Variants in SLC35A1 observed in about 807,000 individuals in gnomAD.
The protein encoded by SLC35A1 is solute carrier family 35 member A1.
SLC35A1 carries 21 observed loss-of-function variants against 40.3 expected under a neutral mutation model. That is an observed-to-expected ratio of 0.52 (90% CI 0.37 to 0.75). The LOEUF (loss-of-function observed/expected upper bound fraction) is 0.75, where lower values mean the gene tolerates loss of function less well. SLC35A1 is among the 30% of genes least tolerant of loss of function. The probability of loss-of-function intolerance (pLI) is 0.00; values close to 1 mark genes in which losing one functional copy is unlikely to be tolerated. For missense variants in SLC35A1, 297 were observed against 382.1 expected, an observed-to-expected ratio of 0.78 and a Z score of 1.86; for synonymous variants, 146 against 147.3, an observed-to-expected ratio of 0.99 and a Z score of 0.06.
At chr6:87,474,116 G>T (rs1434020250) in intron 1 of SLC35A1, among the ~76,000 whole-genome samples, 1 of 152,204 alleles carries the variant, frequency 6.6e-6, no homozygotes. Context: ...AACTAAAATG[G>T]AATGGGGATA....
chr6:87,506,562 C>A, intron 5 of SLC35A1, 114 bp downstream of exon 5: 2 of 871,058 alleles, frequency 2.3e-6, no homozygotes, highest in Non-Finnish European at 3.9e-6. Context: ...TAAACTTGAT[C>A]TTCTTGCTTA....
At chr6:87,499,390 CCATT>C (rs1285945023) in intron 2 of SLC35A1, among the ~76,000 whole-genome samples, 2 of 152,154 alleles carry the variant, frequency 1.3e-5, no homozygotes, top group Admixed American at 6.5e-5. Context: ...GCAGTTAGGA[CCATT>C]ATTATAAAGC....
chr6:87,501,939 T>G (rs1158863698), intron 4 of SLC35A1, among the ~76,000 whole-genome samples: 5 of 152,198 alleles, frequency 3.3e-5, no homozygotes, highest in Non-Finnish European at 7.3e-5. Context: ...CTCAATCAGT[T>G]ATTTCCCCAA....
At chr6:87,477,636 C>G (rs1456864320) in intron 2 of SLC35A1, 97 bp downstream of exon 2, 2 of 1,073,366 alleles carry the variant, frequency 1.9e-6, no homozygotes, top group Non-Finnish European at 2.8e-6. Context: ...TTTAATTGCT[C>G]TGGGTCAGTG....
chr6:87,501,334 A>G, intron 4 of SLC35A1, 24 bp downstream of exon 4: 1 of 1,606,954 alleles, frequency 6.2e-7, no homozygotes, highest in South Asian at 1.1e-5. Flanking sequence ...TGCACACCAT[A>G]ACTTCCCATA....
At chr6:87,506,891 A>G (rs1040575395) in intron 5 of SLC35A1, 3 of 196,474 alleles carry the variant, frequency 1.5e-5, no homozygotes, top group Non-Finnish European at 3.2e-5. Context: ...GTTAGGAGCT[A>G]TGGAGTAGGA....
At chr6:87,483,309 C>T (rs188160430) in intron 2 of SLC35A1, among the ~76,000 whole-genome samples, 1 of 151,992 alleles carries the variant, frequency 6.6e-6, no homozygotes, top group Non-Finnish European at 1.5e-5. Context: ...TCTTCCCTCT[C>T]CTCCTTCCCC....
chr6:87,480,171 C>T (rs565804940), intron 2 of SLC35A1, among the ~76,000 whole-genome samples: 3 of 152,212 alleles, frequency 2.0e-5, no homozygotes, highest in Non-Finnish European at 2.9e-5. Flanking sequence ...AATTTTTCCC[C>T]GTGTCGTTAG....
chr6:87,511,806 C>T lies in SLC35A1; in HGVS notation c.*280C>T, dbSNP rs766761699. The T allele has an allele frequency of 1.7e-5, 7 of 401,854 alleles. No homozygotes were observed. Among genetic ancestry groups the T allele is most frequent in the South Asian group, 6.9e-5 (3 of 43,766 alleles). 24.9% of individuals were successfully genotyped at this position (401,854 alleles called of 1,614,324 possible). ...GTAAATAAAAAGTATGGAGATGATA[C>T]GGTGTTAAAAAAAATCATGGTAAGG... On this transcript the variant is annotated 3_prime_UTR_variant, in exon 8 of 8. Transcript: ENST00000369552.
Position 87,501,025 on chromosome 6 carries a change from C to T in SLC35A1, c.355-133C>T, listed in dbSNP as rs914495183. ...TCGGCCTCCCAAAGTTCTGGGATTA[C>T]AGGTGTGAGCCACCGTGCCCGGCCA... On this transcript the variant is annotated intron_variant, in intron 3 of 7. Transcript: ENST00000369552. 4.6e-6 allele frequency: 4 copies of T among 875,654 alleles called. No homozygotes were observed. The African/African-American group carries it at 6.7e-5, about 15-fold the overall frequency. 54.2% of individuals were successfully genotyped at this position (875,654 alleles called of 1,614,324 possible). A position where few individuals can be genotyped will look rare whatever the true frequency, so the allele number is the denominator to read the frequency against.
At position 87,503,698 on chromosome 6, in the gene SLC35A1, C is replaced by T. The variant is rs186936541; in HGVS notation, c.507+2388C>T. ...CTGCACACCAGCTCGAGTGATAGTGCGAGACTCTGTTTCAATAATAATAAT... is the reference window on the plus strand; with the variant it reads ...CTGCACACCAGCTCGAGTGATAGTGTGAGACTCTGTTTCAATAATAATAAT... On this transcript the variant is annotated intron_variant, in intron 4 of 7. Transcript: ENST00000369552. Among the ~76,000 whole-genome samples, 489 of 152,152 alleles carry T rather than the reference C, an allele frequency of 3.2e-3. 2 individuals carry two copies. The highest frequency in any genetic ancestry group is 0.01 in the African/African-American group (427 of 41,512).
intron 1 of SLC35A1, among the ~76,000 whole-genome samples, chr6:87,474,553 C>T (rs935983902): frequency 1.3e-5 from 2 of 152,074 alleles, no homozygotes; most frequent in Non-Finnish European, 2.9e-5. Flanking sequence ...ATTATTTGCC[C>T]AATTTGAAGT....
intron 2 of SLC35A1, among the ~76,000 whole-genome samples, chr6:87,485,175 T>C (rs988350206): frequency 6.6e-6 from 1 of 152,166 alleles, no homozygotes; most frequent in African/African-American, 2.4e-5. Flanking sequence ...CAGAAAATAA[T>C]TGTTACAAAA....
chr6:87,498,751 CAGAG>C (rs1378619705), intron 2 of SLC35A1, among the ~76,000 whole-genome samples: 2 of 151,980 alleles, frequency 1.3e-5, no homozygotes, highest in African/African-American at 4.8e-5. Context: ...GGTTGGGTGA[CAGAG>C]AAAGACTCCG....
At chr6:87,506,781 G>C (rs1770095046) in intron 5 of SLC35A1, 13 of 321,980 alleles carry the variant, frequency 4.0e-5, no homozygotes, top group South Asian at 3.8e-4. Context: ...TTCTGGAACT[G>C]CCACTATCAA....
At chr6:87,509,361 GGTT>G (rs1770184067) in intron 7 of SLC35A1, among the ~76,000 whole-genome samples, 186 bp downstream of exon 7, 1 of 152,128 alleles carries the variant, frequency 6.6e-6, no homozygotes, top group South Asian at 2.1e-4. Flanking sequence ...GCAGTACTTT[GGTT>G]GTTTAGGTGG....
At chr6:87,501,051 T>A (rs1769909175) in intron 3 of SLC35A1, 107 bp from the exon 4 acceptor site, 2 of 1,146,256 alleles carry the variant, frequency 1.7e-6, no homozygotes, top group African/African-American at 3.1e-5. Flanking sequence ...TGCCCGGCCA[T>A]TATCAAATAT....
chr6:87,508,469 G>C lies in SLC35A1; in HGVS notation c.624G>C (p.Val208=). ...AGAGTTCAGATACTTCTCTTTGGGT[G>C]AGAAACATTCAAATGTATCTATCAG... ...VLKSSDTSLW[V]RNIQMYLSGI... is the part of the protein sequence containing the mutation. Residue 208 remains valine, a synonymous_variant, in exon 6 of 8, where the codon GTG becomes GTC. Transcript: ENST00000369552. The C allele has an allele frequency of 6.2e-7, 1 of 1,611,436 alleles. No homozygotes were observed.
intron 2 of SLC35A1, among the ~76,000 whole-genome samples, chr6:87,499,692 TTTA>T (rs1416873022): frequency 6.6e-6 from 1 of 152,170 alleles, no homozygotes; most frequent in Non-Finnish European, 1.5e-5. Context: ...TACATAAGGA[TTTA>T]TTATCTACTA....
Sources: gnomAD v4.1 joint callset for allele counts (sites outside exome capture counted in the v4.1 genomes callset) on GRCh38, gnomAD v4.1.1 for gene constraint, MANE v1.5 for transcripts, NCBI Gene and HGNC (gene_info 2026-07-23, HGNC 2026-07-21) for gene names.